The following HECW2 variants were observed in gnomAD, a reference collection of about 807,000 sequenced individuals.
The protein encoded by HECW2 is E3 ubiquitin-protein ligase HECW2.
Under a neutral mutation model 175.2 loss-of-function variants are expected in HECW2, and 61 were observed. The observed-to-expected ratio is 0.35, with a 90% CI of 0.28 to 0.43. The LOEUF (loss-of-function observed/expected upper bound fraction) is 0.43. Among genes scored for constraint, HECW2 ranks in the 20% least tolerant of loss-of-function variants. The pLI, the probability that HECW2 is intolerant of heterozygous loss-of-function variation, is 1.00. For synonymous variants in HECW2, 671 were observed against 731.0 expected (o/e 0.92, Z 1.32); for missense variants, 1,524 against 2,000.5 (o/e 0.76, Z 4.54).
At position 196,499,903 on chromosome 2, in the gene HECW2, T is replaced by C. The variant is rs1170152441; in HGVS notation, c.-35-66445A>G. Reference sequence around the variant, plus strand: ...CTGAATCATTCTGAGTTAATGATTATGCTGTATGACCTTTCAAAGAGACAT... The same window carrying C: ...CTGAATCATTCTGAGTTAATGATTACGCTGTATGACCTTTCAAAGAGACAT... On this transcript the variant is annotated intron_variant, in intron 1 of 28. Transcript: ENST00000644978. 2.0e-5 allele frequency among the ~76,000 whole-genome samples: 3 copies of C among 152,202 alleles called. No homozygotes were observed. The East Asian group carries it at 5.8e-4, about 29-fold the overall frequency.
intron 23 of HECW2, among the ~76,000 whole-genome samples, chr2:196,223,152 C>A (rs1288965652): frequency 1.3e-5 from 2 of 152,138 alleles, no homozygotes; most frequent in Non-Finnish European, 2.9e-5. Flanking sequence ...ATAGTCACTA[C>A]CCCCAGGAGC....
At chr2:196,493,476 TTGAGTC>T (rs1454920315) in intron 1 of HECW2, 6 of 152,246 alleles carry the variant, frequency 3.9e-5, no homozygotes, top group African/African-American at 1.4e-4. Flanking sequence ...TTTTTAACTA[TTGAGTC>T]TGTCAGTGTA....
intron 2 of HECW2, among the ~76,000 whole-genome samples, chr2:196,432,065 C>G (rs1215402485): frequency 6.6e-6 from 1 of 152,132 alleles, no homozygotes; most frequent in Non-Finnish European, 1.5e-5. Flanking sequence ...GGGAGGCTGT[C>G]CTTTACATTG....
intron 1 of HECW2, among the ~76,000 whole-genome samples, chr2:196,524,425 C>A (rs1164818078): frequency 1.1e-5 from 1 of 87,746 alleles, no homozygotes; most frequent in African/African-American, 8.4e-5. Flanking sequence ...TTCAAAAAAC[C>A]AGCTCCTGGA....
At position 196,319,153 on chromosome 2, in the gene HECW2, G is replaced by A. The variant is rs111271189; in HGVS notation, c.1737C>T (p.Gly579=). 72 of 1,593,934 alleles carry A rather than the reference G, an allele frequency of 4.5e-5. 1 individual carries two copies. The African/African-American group carries it at 4.8e-4, about 11-fold the overall frequency. ...GSQEVDQPTS[G]ADTGTSDASG... is the part of the protein sequence containing the mutation. ...ATGCATCGGAAGTCCCTGTGTCTGC[G>A]CCACTTGTGGGCTGATCTACCTCTT... The change falls in exon 9 of 29, where the codon GGC becomes GGT. Residue 579 remains glycine, a synonymous_variant. Transcript: ENST00000644978.
Position 196,292,599 on chromosome 2 carries a change from C to T in HECW2, c.2966G>A (p.Arg989Gln), listed in dbSNP as rs756051390. The change falls in exon 14 of 29, where the codon CGG becomes CAG. Residue 989 changes from arginine (R) to glutamine (Q), a missense_variant. This residue lies in a region of HECW2 where 291 missense variants were observed against 412.2 expected (regional missense o/e 0.71). Coordinates refer to ENST00000644978, the MANE Select transcript of HECW2 (RefSeq NM_001348768.2). Reference sequence around the variant, plus strand: ...GTGATCATGTTTCATTTCCCATCCCCGCGGCAGCTCTAGCTGTTTGTTCGC... The same window carrying T: ...GTGATCATGTTTCATTTCCCATCCCTGCGGCAGCTCTAGCTGTTTGTTCGC... ...MFANKQLELP[R>Q]GWEMKHDHQG... is the part of the protein sequence containing the mutation. 2 of 1,613,904 alleles carry T rather than the reference C, an allele frequency of 1.2e-6. No individual in the cohort carries two copies. The highest frequency in any genetic ancestry group is 1.7e-6 in the Non-Finnish European group (2 of 1,179,838).
In HECW2 at chr2:196,394,513, T is replaced by C. The variant is rs547873389; in HGVS notation, c.292+38619A>G. 2.2e-4 allele frequency among the ~76,000 whole-genome samples: 34 copies of C among 152,172 alleles called. 1 individual carries two copies. Among genetic ancestry groups the C allele is most frequent in the African/African-American group, 7.9e-4 (33 of 41,530 alleles). Reference sequence around the variant, plus strand: ...AGCTGGTGTAATTTTAGTGAGTCAATAAACATCCCCCCTTTAGAGAGTTCA... The same window carrying C: ...AGCTGGTGTAATTTTAGTGAGTCAACAAACATCCCCCCTTTAGAGAGTTCA... On this transcript the variant is annotated intron_variant, in intron 2 of 28. Transcript: ENST00000644978.
chr2:196,416,987 C>T (rs1695272759), intron 2 of HECW2, among the ~76,000 whole-genome samples: 1 of 152,148 alleles, frequency 6.6e-6, no homozygotes. Flanking sequence ...GCAACTAATT[C>T]CTTTTAAGAA....
intron 2 of HECW2, among the ~76,000 whole-genome samples, chr2:196,406,851 T>C (rs763246625): frequency 6.6e-6 from 1 of 152,224 alleles, no homozygotes; most frequent in Non-Finnish European, 1.5e-5. Context: ...AGAAAGGTCT[T>C]TCCTGACTCC....
intron 28 of HECW2, among the ~76,000 whole-genome samples, chr2:196,212,160 G>C (rs1687312859): frequency 6.6e-6 from 1 of 151,470 alleles, no homozygotes; most frequent in African/African-American, 2.4e-5. Flanking sequence ...TAAGTAAGAA[G>C]GACATCTATC....
intron 10 of HECW2, among the ~76,000 whole-genome samples, chr2:196,312,056 G>A (rs546363746): frequency 8.5e-5 from 13 of 152,256 alleles, no homozygotes; most frequent in African/African-American, 3.1e-4. Flanking sequence ...ACATATGTGG[G>A]AAGGGCGCAG....
intron 7 of HECW2, among the ~76,000 whole-genome samples, chr2:196,321,508 C>G (rs1691941188): frequency 6.6e-6 from 1 of 151,640 alleles, no homozygotes; most frequent in South Asian, 2.1e-4. Flanking sequence ...GCAATTCTCC[C>G]AGCTTCAGCC....
At chr2:196,374,031 C>CAA (rs1257396628) in intron 2 of HECW2, among the ~76,000 whole-genome samples, 21 of 127,378 alleles carry the variant, frequency 1.6e-4, no homozygotes, top group South Asian at 5.0e-4. Context: ...GACTCCGTCT[C>CAA]AAAAAAAATA....
At chr2:196,400,598 A>T (rs1694790609) in intron 2 of HECW2, among the ~76,000 whole-genome samples, 1 of 152,206 alleles carries the variant, frequency 6.6e-6, no homozygotes, top group Admixed American at 6.5e-5. Context: ...CATAGCCTAA[A>T]GATCTGTATT....
intron 13 of HECW2, among the ~76,000 whole-genome samples, chr2:196,296,601 G>T (rs1384769528): frequency 6.6e-6 from 1 of 152,220 alleles, no homozygotes; most frequent in African/African-American, 2.4e-5. Context: ...GCTAAGCCAT[G>T]TGCTAAGCCC....
At chr2:196,278,691 A>T (rs1690071852) in intron 14 of HECW2, 29 bp from the exon 15 acceptor site, 1 of 1,612,922 alleles carries the variant, frequency 6.2e-7, no homozygotes, top group African/African-American at 1.3e-5. Flanking sequence ...AGTCAAATAC[A>T]TGCCGCTCAC....
intron 1 of HECW2, among the ~76,000 whole-genome samples, chr2:196,567,727 T>A (rs531972067): frequency 3.3e-4 from 50 of 152,350 alleles, no homozygotes; most frequent in African/African-American, 1.2e-3. Context: ...AATTATGTTC[T>A]TTGGCAAAAG....
intron 3 of HECW2, among the ~76,000 whole-genome samples, chr2:196,337,687 G>T (rs1692602037): frequency 6.6e-6 from 1 of 150,834 alleles, no homozygotes; most frequent in African/African-American, 2.4e-5. Context: ...CATTCTTTTG[G>T]GCTATAAAAA....
At chr2:196,476,481 A>G (rs916385879) in intron 1 of HECW2, among the ~76,000 whole-genome samples, 1 of 151,872 alleles carries the variant, frequency 6.6e-6, no homozygotes, top group Non-Finnish European at 1.5e-5. Context: ...TGGCACATCT[A>G]TCAAGTTGTT....
Sources: gnomAD v4.1 joint callset for allele counts (sites outside exome capture counted in the v4.1 genomes callset) on GRCh38, gnomAD v4.1.1 for gene constraint, gnomAD v4.1.1 regional missense constraint, MANE v1.5 for transcripts, NCBI Gene and HGNC (gene_info 2026-07-23, HGNC 2026-07-21) for gene names.